NEDD4: variants seen among roughly 807,000 people sequenced by gnomAD.
The protein encoded by NEDD4 is E3 ubiquitin-protein ligase NEDD4.
Under a neutral mutation model 144.9 loss-of-function variants are expected in NEDD4, and 99 were observed. That is an observed-to-expected ratio of 0.68 (90% CI 0.58 to 0.81). The LOEUF (loss-of-function observed/expected upper bound fraction) is 0.81, where lower values mean the gene tolerates loss of function less well. Ranked by LOEUF, NEDD4 falls within the 30% of genes least tolerant of loss-of-function variation. The probability of loss-of-function intolerance (pLI) is 0.00; values close to 1 mark genes in which losing one functional copy is unlikely to be tolerated. For missense variants in NEDD4, 985 were observed against 1,065.9 expected, an observed-to-expected ratio of 0.92 and a Z score of 1.06; for synonymous variants, 318 against 350.6, an observed-to-expected ratio of 0.91 and a Z score of 1.04.
In NEDD4 at chr15:55,834,254, G is replaced by A. The variant is rs756988583; in HGVS notation, c.2295C>T (p.Ile765=). 1 of 1,609,648 alleles carries A rather than the reference G, an allele frequency of 6.2e-7. No homozygotes were observed. The highest frequency in any genetic ancestry group is 8.5e-7 in the Non-Finnish European group (1 of 1,176,216). Residue 765 remains isoleucine, a synonymous_variant, in exon 25 of 29, where the codon ATC becomes ATT. Coordinates refer to ENST00000435532, the MANE Select transcript of NEDD4 (RefSeq NM_006154.4). ...CTAGTTCATTTTCATCAAAAATTTT[G>A]ATGAGATCCTGTGGTATTAGTTCAA... The part of the protein sequence containing the change: ...GFFELIPQDL[I]KIFDENELEL...
At chr15:55,888,567 T>C (rs1210883949) in intron 5 of NEDD4, among the ~76,000 whole-genome samples, 1 of 152,154 alleles carries the variant, frequency 6.6e-6, no homozygotes, top group East Asian at 1.9e-4. Context: ...CCTATAAAAA[T>C]GCCAATGACA....
chr15:55,915,727 A>G (rs766379331), intron 5 of NEDD4: 1 of 1,613,984 alleles, frequency 6.2e-7, no homozygotes, highest in Non-Finnish European at 8.5e-7. Flanking sequence ...CCTTCAGATG[A>G]CTTTTCACAG....
chr15:55,876,620 T>A (rs770803502), intron 5 of NEDD4, among the ~76,000 whole-genome samples: 18 of 151,998 alleles, frequency 1.2e-4, no homozygotes, highest in Non-Finnish European at 2.2e-4. Flanking sequence ...ATTGGAAATA[T>A]CTGACTAACC....
chr15:55,889,105 T>G (rs1204265472), intron 5 of NEDD4, among the ~76,000 whole-genome samples: 1 of 152,076 alleles, frequency 6.6e-6, no homozygotes, highest in African/African-American at 2.4e-5. Flanking sequence ...TGGGATCACA[T>G]CAAGGTAAAA....
Position 55,966,479 on chromosome 15 carries a change from C to T in NEDD4, c.113G>A (p.Gly38Glu). ...TCCAAATAGATATACTTACCTAGCT[C>T]CCAATATATCCTTCTTGGCAAGGCC... The part of the protein sequence containing the change: ...GIGLAKKDIL[G>E]ASDPYVRVTL... Residue 38 changes from glycine to glutamate, a missense_variant, in exon 2 of 29, where the codon GGA becomes GAA. By Grantham distance (98) the Gly-to-Glu change is moderately conservative. Coordinates refer to ENST00000435532, the MANE Select transcript of NEDD4 (RefSeq NM_006154.4). 1 of 1,518,858 alleles carries T rather than the reference C, an allele frequency of 6.6e-7. No individual in the cohort carries two copies. The highest frequency in any genetic ancestry group is 1.3e-5 in the South Asian group (1 of 78,624). The allele number at this position is 1,518,858 out of a possible 1,614,324, so 94.1% of individuals were successfully genotyped here.
intron 5 of NEDD4, among the ~76,000 whole-genome samples, chr15:55,879,896 C>A (rs1305979910): frequency 3.3e-5 from 5 of 151,926 alleles, no homozygotes; most frequent in Non-Finnish European, 7.4e-5. Flanking sequence ...AAGTCAACAT[C>A]GAAATAATAG....
intron 19 of NEDD4, 128 bp from the exon 20 acceptor site, chr15:55,840,855 G>T: frequency 2.1e-6 from 2 of 933,350 alleles, no homozygotes; most frequent in Non-Finnish European, 3.2e-6. Flanking sequence ...TGGATTTAAT[G>T]GTTTTAAAAA....
At chr15:55,872,049 C>A (rs1349003871) in intron 7 of NEDD4, among the ~76,000 whole-genome samples, 2 of 152,016 alleles carry the variant, frequency 1.3e-5, no homozygotes, top group African/African-American at 4.8e-5. Flanking sequence ...TTAGGTTTTT[C>A]TGAAATTGGC....
intron 1 of NEDD4, among the ~76,000 whole-genome samples, chr15:55,971,493 C>T (rs1035597828): frequency 6.6e-6 from 1 of 151,870 alleles, no homozygotes; most frequent in Non-Finnish European, 1.5e-5. Context: ...AGCATGGCAG[C>T]GTGCACCTGT....
At chr15:55,897,196 A>G (rs2142141655) in intron 5 of NEDD4, among the ~76,000 whole-genome samples, 1 of 152,152 alleles carries the variant, frequency 6.6e-6, no homozygotes, top group African/African-American at 2.4e-5. Context: ...GATGGTCTCG[A>G]TCTCCTGACC....
intron 21 of NEDD4, among the ~76,000 whole-genome samples, chr15:55,839,265 G>A (rs2033355569): frequency 6.6e-6 from 1 of 152,072 alleles, no homozygotes; most frequent in Admixed American, 6.6e-5. Flanking sequence ...CTGACCTCAA[G>A]TGATCCACCT....
At chr15:55,944,273 C>T (rs2037066300) in intron 4 of NEDD4, among the ~76,000 whole-genome samples, 1 of 152,218 alleles carries the variant, frequency 6.6e-6, no homozygotes. Flanking sequence ...AAAAACAGGA[C>T]ACTTCTGGCC....
chr15:55,890,273 G>C (rs2035525495), intron 5 of NEDD4, among the ~76,000 whole-genome samples: 1 of 152,088 alleles, frequency 6.6e-6, no homozygotes, highest in Non-Finnish European at 1.5e-5. Context: ...TTTTCACAGA[G>C]TTGTTCAACC....
intron 2 of NEDD4, among the ~76,000 whole-genome samples, chr15:55,956,315 G>A (rs1023510636): frequency 3.3e-5 from 5 of 152,192 alleles, no homozygotes; most frequent in Middle Eastern, 3.4e-3. Flanking sequence ...TAATTGTGTT[G>A]AAGTTCCTTT....
At chr15:55,935,750 G>A (rs1434756847) in intron 4 of NEDD4, among the ~76,000 whole-genome samples, 2 of 151,214 alleles carry the variant, frequency 1.3e-5, no homozygotes, top group Non-Finnish European at 2.9e-5. Flanking sequence ...GGGAGGCTGC[G>A]GCAGGAGACT....
At chr15:55,938,133 G>C (rs2036927323) in intron 4 of NEDD4, among the ~76,000 whole-genome samples, 2 of 152,118 alleles carry the variant, frequency 1.3e-5, no homozygotes, top group African/African-American at 4.8e-5. Context: ...GGCTGAGGTG[G>C]GCAGATAATG....
rs550635829 is a variant in NEDD4 at position 55,947,328 on chromosome 15, C to A, written c.237+4048G>T. Among the ~76,000 whole-genome samples the A allele has an allele frequency of 2.0e-5, 3 of 152,234 alleles. No homozygotes were observed. In the East Asian group the frequency reaches 5.8e-4, roughly 29 times the overall value. ...CAATAAAAAATGATAAAGGGGATAT[C>A]ACCACCAATCCCACAGAAATACAAA... On this transcript the variant is annotated intron_variant, in intron 4 of 28. Coordinates refer to ENST00000435532, the MANE Select transcript of NEDD4 (RefSeq NM_006154.4).
chr15:55,855,920 C>A (rs2034174611), intron 12 of NEDD4, among the ~76,000 whole-genome samples: 2 of 152,170 alleles, frequency 1.3e-5, no homozygotes, highest in African/African-American at 2.4e-5. Flanking sequence ...CCCACAGTCA[C>A]CAGCATGCAG....
rs74823422 is a variant in NEDD4 at position 55,855,641 on chromosome 15, C to A, written c.1026+490G>T. On this transcript the variant is annotated intron_variant, in intron 12 of 28. Transcript: ENST00000435532. ...ACAGCACTGAGCAGGAAGCAGAAGG[C>A]CTTAGTAGACTGGTGGATGTGATAT... is the stretch of plus-strand genomic sequence containing the variant. Among the ~76,000 whole-genome samples the A allele has an allele frequency of 2.6e-3, 402 of 152,278 alleles. 1 individual carries two copies. Among genetic ancestry groups the A allele is most frequent in the African/African-American group, 7.4e-3 (309 of 41,560 alleles).
Sources: allele counts gnomAD v4.1 joint callset (sites outside exome capture counted in the v4.1 genomes callset), GRCh38; gene constraint gnomAD v4.1.1; transcripts MANE v1.5; gene names NCBI Gene and HGNC (gene_info 2026-07-23, HGNC 2026-07-21).